CHRM2: variants seen among roughly 807,000 people sequenced by gnomAD.
CHRM2 encodes cholinergic receptor muscarinic 2.
Under a neutral mutation model 25.0 loss-of-function variants are expected in CHRM2, and 8 were observed. The ratio of observed to expected loss-of-function variants is 0.32; its 90% CI spans 0.19 to 0.58. CHRM2 has a LOEUF of 0.58. Ranked by LOEUF, CHRM2 falls within the 20% of genes least tolerant of loss-of-function variation. CHRM2 has a pLI of 0.88. For missense variants in CHRM2, 440 were observed against 567.1 expected (o/e 0.78, Z 2.28); for synonymous variants, 202 against 205.7 (o/e 0.98, Z 0.15).
chr7:136,971,499 C>T (rs1011533250), intron 2 of CHRM2, among the ~76,000 whole-genome samples: 4 of 151,398 alleles, frequency 2.6e-5, no homozygotes, highest in Admixed American at 2.0e-4. Context: ...TGCCTGTAAT[C>T]GAAGCTACTT....
intron 2 of CHRM2, among the ~76,000 whole-genome samples, chr7:136,939,279 C>A (rs1334829698): frequency 6.6e-6 from 1 of 152,180 alleles, no homozygotes; most frequent in Non-Finnish European, 1.5e-5. Context: ...TAGGCTTACA[C>A]AGGTGTGGAG....
At position 136,877,786 on chromosome 7, in the gene CHRM2, A is replaced by T. The variant is rs185814566; in HGVS notation, c.-125+8368A>T. On this transcript the variant is annotated intron_variant, in intron 2 of 3. Transcript: ENST00000680005. The stretch of plus-strand genomic sequence containing the variant: ...TTGTTCACCCTTAGTCATGCTGATG[A>T]TTCTTCTGTTTGAATAAAGCAAATA... 6.1e-3 allele frequency among the ~76,000 whole-genome samples: 924 copies of T among 152,120 alleles called. 7 individuals are homozygous for T. The highest frequency in any genetic ancestry group is 0.058 in the Middle Eastern group (17 of 294).
chr7:136,937,434 T>C (rs1173975314), intron 2 of CHRM2, among the ~76,000 whole-genome samples: 1 of 152,242 alleles, frequency 6.6e-6, no homozygotes, highest in Non-Finnish European at 1.5e-5. Context: ...TTCTCAGATC[T>C]ATATTGCATG....
intron 2 of CHRM2, among the ~76,000 whole-genome samples, chr7:136,904,566 A>G (rs1797429194): frequency 6.6e-6 from 1 of 151,560 alleles, no homozygotes; most frequent in Non-Finnish European, 1.5e-5. Context: ...ATAATTTATT[A>G]CTTATCTTAC....
intron 2 of CHRM2, among the ~76,000 whole-genome samples, chr7:136,961,054 GGTGGAGATT>G (rs1801043249): frequency 6.6e-6 from 1 of 152,102 alleles, no homozygotes; most frequent in South Asian, 2.1e-4. Context: ...GAACCCAGAA[GGTGGAGATT>G]GCAGCGAGCC....
chr7:137,013,376 G>T (rs1202193023), intron 3 of CHRM2, among the ~76,000 whole-genome samples: 2 of 151,910 alleles, frequency 1.3e-5, no homozygotes, highest in African/African-American at 2.4e-5. Context: ...GTGTTATGAA[G>T]TTGCTTACCA....
At chr7:136,962,076 T>C (rs1400544968) in intron 2 of CHRM2, among the ~76,000 whole-genome samples, 1 of 151,882 alleles carries the variant, frequency 6.6e-6, no homozygotes, top group Non-Finnish European at 1.5e-5. Context: ...TACTGTGGGG[T>C]ATATGACCAC....
chr7:136,991,516 A>C (rs146638809), intron 2 of CHRM2, among the ~76,000 whole-genome samples: 184 of 152,174 alleles, frequency 1.2e-3, no homozygotes, highest in African/African-American at 3.8e-3. Flanking sequence ...GCCAATACCA[A>C]ACTGTTTTGA....
At chr7:136,938,816 C>T (rs1799577404) in intron 2 of CHRM2, among the ~76,000 whole-genome samples, 1 of 151,656 alleles carries the variant, frequency 6.6e-6, no homozygotes, top group African/African-American at 2.4e-5. Flanking sequence ...CTCAGCCCAC[C>T]CGCAGGGGAG....
chr7:136,921,256 T>C (rs1798413272), intron 2 of CHRM2, among the ~76,000 whole-genome samples: 1 of 152,104 alleles, frequency 6.6e-6, no homozygotes, highest in African/African-American at 2.4e-5. Context: ...CTGCTTTGAG[T>C]CTTCCCATCA....
chr7:136,991,062 C>T lies in CHRM2; in HGVS notation c.-124-1125C>T, dbSNP rs532370264. On this transcript the variant is annotated intron_variant, in intron 2 of 3. Transcript: ENST00000680005. ...TAAGATAACTGTGGGTTTGTCTTTT[C>T]ATTTCTCTCAGTCTGTGGCTTCTTT... Among the ~76,000 whole-genome samples the T allele has an allele frequency of 3.9e-5, 6 of 152,178 alleles. No homozygotes were observed. The South Asian group carries it at 1.2e-3, about 32-fold the overall frequency.
intron 2 of CHRM2, among the ~76,000 whole-genome samples, chr7:136,924,055 G>A (rs958379308): frequency 1.3e-5 from 2 of 152,086 alleles, no homozygotes; most frequent in African/African-American, 4.8e-5. Flanking sequence ...ATTCTTAAAT[G>A]AGATAAACTG....
At chr7:136,963,341 GGAGAAACA>G (rs1393499611) in intron 2 of CHRM2, among the ~76,000 whole-genome samples, 1 of 152,106 alleles carries the variant, frequency 6.6e-6, no homozygotes. Context: ...GCTGAGCAGT[GGAGAAACA>G]GAGTTAAAGA....
chr7:136,997,765 T>C (rs1334552475), intron 3 of CHRM2, among the ~76,000 whole-genome samples: 3 of 152,226 alleles, frequency 2.0e-5, no homozygotes, highest in Admixed American at 6.5e-5. Flanking sequence ...GGCAAATAGT[T>C]GTAGCATGTC....
intron 3 of CHRM2, among the ~76,000 whole-genome samples, chr7:137,013,074 T>C (rs1358379087): frequency 1.3e-5 from 2 of 152,020 alleles, no homozygotes; most frequent in Non-Finnish European, 2.9e-5. Context: ...TTTTAGATTA[T>C]TCATCTTTCA....
At chr7:136,918,838 C>G (rs1248738642) in intron 2 of CHRM2, among the ~76,000 whole-genome samples, 4 of 152,068 alleles carry the variant, frequency 2.6e-5, no homozygotes, top group Non-Finnish European at 5.9e-5. Flanking sequence ...TTCATCTGTT[C>G]TCTCCTTGGA....
chr7:136,964,188 A>T (rs1318486302), intron 2 of CHRM2, among the ~76,000 whole-genome samples: 2 of 152,158 alleles, frequency 1.3e-5, no homozygotes, highest in South Asian at 2.1e-4. Flanking sequence ...TTTTCAAAAA[A>T]AATTATTATT....
Position 137,018,703 on chromosome 7 carries a change from G to T in CHRM2, c.*2437G>T, listed in dbSNP as rs1445031065. On this transcript the variant is annotated 3_prime_UTR_variant, in exon 4 of 4. Transcript: ENST00000680005. ...CCTTCCTTTTCCTCCCTCTGTTATT[G>T]ATCCTTGCCACAGCCACTGCAACCT... The T allele has an allele frequency of 6.6e-6, 1 of 151,694 alleles. No homozygotes were observed. The highest frequency in any genetic ancestry group is 1.5e-5 in the Non-Finnish European group (1 of 67,880). The allele number at this position is 151,694 out of a possible 1,614,324, so 9.4% of individuals were successfully genotyped here.
intron 3 of CHRM2, among the ~76,000 whole-genome samples, chr7:136,993,404 G>A (rs1584892041): frequency 6.6e-6 from 1 of 152,280 alleles, no homozygotes; most frequent in South Asian, 2.1e-4. Context: ...TATAAAAATA[G>A]TACCACCTTT....
Sources: allele counts gnomAD v4.1 joint callset (sites outside exome capture counted in the v4.1 genomes callset), GRCh38; gene constraint gnomAD v4.1.1; transcripts MANE v1.5; gene names NCBI Gene and HGNC (gene_info 2026-07-23, HGNC 2026-07-21).